GPATCH2: variants seen among roughly 807,000 people sequenced by gnomAD.
GPATCH2 encodes G-patch domain containing 2, also known as G patch domain-containing protein 2.
A neutral mutation model predicts 58.0 loss-of-function variants in GPATCH2; 51 were observed. The observed-to-expected ratio is 0.88, with a 90% CI of 0.70 to 1.11. The LOEUF (loss-of-function observed/expected upper bound fraction) is 1.11, where lower values mean the gene tolerates loss of function less well. Ranked by LOEUF, GPATCH2 falls within the 50% of genes most tolerant of loss-of-function variation. The probability of loss-of-function intolerance (pLI) is 0.00; values close to 1 mark genes in which losing one functional copy is unlikely to be tolerated. For missense variants in GPATCH2, 625 were observed against 652.2 expected, an observed-to-expected ratio of 0.96 and a Z score of 0.45; for synonymous variants, 222 against 218.5, an observed-to-expected ratio of 1.02 and a Z score of -0.14.
At chr1:217,608,718 T>C in intron 5 of GPATCH2, 1 of 984,060 alleles carries the variant, frequency 1.0e-6, no homozygotes, top group Non-Finnish European at 1.2e-6. Flanking sequence ...ACAGTCATTA[T>C]ACAAAATAAA....
intron 5 of GPATCH2, among the ~76,000 whole-genome samples, chr1:217,547,824 AGAG>A (rs1665141272): frequency 6.6e-6 from 1 of 152,064 alleles, no homozygotes; most frequent in African/African-American, 2.4e-5. Context: ...ACCATGTGTC[AGAG>A]GAGGTCTGGC....
intron 5 of GPATCH2, among the ~76,000 whole-genome samples, chr1:217,579,446 G>A (rs1224192114): frequency 2.0e-5 from 3 of 151,586 alleles, no homozygotes; most frequent in East Asian, 1.9e-4. Context: ...TGGAAAATTC[G>A]CTTGACTTAA....
chr1:217,475,375 G>A (rs2102508832), intron 8 of GPATCH2, among the ~76,000 whole-genome samples: 1 of 152,208 alleles, frequency 6.6e-6, no homozygotes, highest in African/African-American at 2.4e-5. Flanking sequence ...GGAGGCAGAG[G>A]TTGCAGCGAG....
chr1:217,531,541 A>G (rs185932241), intron 5 of GPATCH2, among the ~76,000 whole-genome samples: 2 of 152,346 alleles, frequency 1.3e-5, no homozygotes, highest in Admixed American at 1.3e-4. Context: ...ATGAAATAGT[A>G]CACAAAAAAA....
At chr1:217,447,604 A>T (rs1400104139) in intron 9 of GPATCH2, among the ~76,000 whole-genome samples, 1 of 152,246 alleles carries the variant, frequency 6.6e-6, no homozygotes, top group South Asian at 2.1e-4. Flanking sequence ...ATATTATTCT[A>T]TACAAATACA....
At chr1:217,525,388 A>C (rs1663849301) in intron 5 of GPATCH2, among the ~76,000 whole-genome samples, 1 of 152,200 alleles carries the variant, frequency 6.6e-6, no homozygotes, top group Non-Finnish European at 1.5e-5. Context: ...TTTGTTTATA[A>C]AAATCTTTTT....
At chr1:217,496,719 G>A (rs1207737006) in intron 7 of GPATCH2, among the ~76,000 whole-genome samples, 1 of 152,134 alleles carries the variant, frequency 6.6e-6, no homozygotes, top group East Asian at 1.9e-4. Flanking sequence ...ACAAGGTTAT[G>A]TATTGATCAG....
chr1:217,565,351 T>C (rs1468282206), intron 5 of GPATCH2, among the ~76,000 whole-genome samples: 2 of 152,188 alleles, frequency 1.3e-5, no homozygotes, highest in African/African-American at 2.4e-5. Context: ...TGTAACTGAA[T>C]ACAGAAAAAT....
At chr1:217,556,017 A>G (rs1310511810) in intron 5 of GPATCH2, among the ~76,000 whole-genome samples, 10 of 152,190 alleles carry the variant, frequency 6.6e-5, no homozygotes, top group Non-Finnish European at 5.9e-5. Context: ...CTTTCTTAAT[A>G]CTGAAAAGAG....
At chr1:217,472,479 T>C (rs1335895930) in intron 8 of GPATCH2, among the ~76,000 whole-genome samples, 1 of 151,948 alleles carries the variant, frequency 6.6e-6, no homozygotes, top group African/African-American at 2.4e-5. Flanking sequence ...TTTTTTTGTG[T>C]TTTTAATAGA....
At chr1:217,604,763 T>A (rs559757610) in intron 5 of GPATCH2, among the ~76,000 whole-genome samples, 7 of 152,232 alleles carry the variant, frequency 4.6e-5, no homozygotes, top group African/African-American at 1.7e-4. Context: ...TGATGGATCA[T>A]GCCTGTAATC....
rs765991422 is a variant in GPATCH2, at chr1:217,491,662, C to T, written c.1277+18G>A. ...AAAAAGAAAATGAATGAATAAAAAG[C>T]GATTTTGAATTGCTTACCTGCTGGC... On this transcript the variant is annotated intron_variant, in intron 8 of 9. Transcript: ENST00000366935. 1.3e-5 allele frequency: 17 copies of T among 1,264,706 alleles called. No individual in the cohort carries two copies. In the East Asian group the frequency reaches 2.2e-4, roughly 16 times the overall value. The allele number at this position is 1,264,706 out of a possible 1,614,324, so 78.3% of individuals were successfully genotyped here.
chr1:217,484,547 T>C (rs976075875), intron 8 of GPATCH2, among the ~76,000 whole-genome samples: 1 of 83,506 alleles, frequency 1.2e-5, no homozygotes, highest in African/African-American at 3.6e-5. Flanking sequence ...TCTTTCTATA[T>C]ATAATTATTT....
chr1:217,480,184 TCAA>T (rs1427545403), intron 8 of GPATCH2, among the ~76,000 whole-genome samples: 2 of 151,570 alleles, frequency 1.3e-5, no homozygotes, highest in African/African-American at 4.9e-5. Flanking sequence ...AAGGGAACAA[TCAA>T]CAAAGTGAGG....
intron 5 of GPATCH2, among the ~76,000 whole-genome samples, chr1:217,592,504 C>A (rs1177122071): frequency 6.6e-6 from 1 of 151,736 alleles, no homozygotes; most frequent in Non-Finnish European, 1.5e-5. Context: ...ATTAAAATAA[C>A]AAGAACCAGT....
intron 5 of GPATCH2, among the ~76,000 whole-genome samples, chr1:217,602,819 AAGATACAAAGAAT>A (rs1226331159): frequency 2.0e-5 from 3 of 152,202 alleles, no homozygotes; most frequent in Non-Finnish European, 4.4e-5. Context: ...CTTGCCATTC[AAGATACAAAGAAT>A]GCTTGTGAGT....
chr1:217,479,028 G>C (rs935490570), intron 8 of GPATCH2, among the ~76,000 whole-genome samples: 4 of 151,938 alleles, frequency 2.6e-5, no homozygotes, highest in Non-Finnish European at 5.9e-5. Flanking sequence ...TAGTTTATCT[G>C]GTCAAAATAT....
At chr1:217,464,367 C>G (rs190091718) in intron 8 of GPATCH2, among the ~76,000 whole-genome samples, 11 of 152,228 alleles carry the variant, frequency 7.2e-5, no homozygotes, top group Non-Finnish European at 1.5e-4. Flanking sequence ...AGAGAGGAAT[C>G]TGCAAATGGC....
chr1:217,519,354 CTAAAATTACTTTT>C (rs1663334536), intron 5 of GPATCH2, among the ~76,000 whole-genome samples: 1 of 152,002 alleles, frequency 6.6e-6, no homozygotes, highest in Non-Finnish European at 1.5e-5. Flanking sequence ...GAAAATAACA[CTAAAATTACTTTT>C]AAAGCAACAT....
Sources: gnomAD v4.1 joint callset for allele counts (sites outside exome capture counted in the v4.1 genomes callset) on GRCh38, gnomAD v4.1.1 for gene constraint, MANE v1.5 for transcripts, NCBI Gene and HGNC (gene_info 2026-07-23, HGNC 2026-07-21) for gene names.